Variants in RAB38 observed in about 807,000 individuals in gnomAD.
RAB38 encodes ras-related protein Rab-38.
Under a neutral mutation model 18.4 loss-of-function variants are expected in RAB38, and 15 were observed. The ratio of observed to expected loss-of-function variants is 0.82; its 90% CI spans 0.55 to 1.26. The LOEUF is 1.26. Among genes scored for constraint, RAB38 ranks in the 50% most tolerant of loss-of-function variants. The pLI is 0.00. For synonymous variants in RAB38, 101 were observed against 104.4 expected (o/e 0.97, Z 0.20); for missense variants, 294 against 267.4 (o/e 1.10, Z -0.69).
chr11:88,104,029 C>T, the RAB38 span, among the ~76,000 whole-genome samples: 2 of 152,076 alleles, frequency 1.3e-5, no homozygotes, highest in African/African-American at 4.8e-5. Context: ...TGATCATCTG[C>T]CCTGGCATGA....
chr11:87,945,267 C>T, the RAB38 span, among the ~76,000 whole-genome samples: 1 of 152,102 alleles, frequency 6.6e-6, no homozygotes, highest in Admixed American at 6.6e-5. Context: ...TTGGCTTAAA[C>T]TCGTAGGCAT....
chr11:87,876,229 C>T, the RAB38 span, among the ~76,000 whole-genome samples: 701 of 151,684 alleles, frequency 4.6e-3, 8 homozygotes, highest in African/African-American at 0.016. Context: ...CCCTTCTGAT[C>T]AACTACGACA....
the RAB38 span, among the ~76,000 whole-genome samples, chr11:87,889,332 C>T: frequency 6.6e-6 from 1 of 151,864 alleles, no homozygotes; most frequent in Non-Finnish European, 1.5e-5. Flanking sequence ...CAAATCCAAA[C>T]CACATGTGCT....
the RAB38 span, among the ~76,000 whole-genome samples, chr11:87,917,663 C>T: frequency 6.6e-6 from 1 of 151,748 alleles, no homozygotes; most frequent in East Asian, 1.9e-4. Context: ...CTTAATGGCA[C>T]CTCCACCTGG....
chr11:88,034,012 C>G, the RAB38 span, among the ~76,000 whole-genome samples: 1 of 152,146 alleles, frequency 6.6e-6, no homozygotes, highest in Non-Finnish European at 1.5e-5. Flanking sequence ...CTAGCATGAG[C>G]CACCGCGCCC....
chr11:88,053,791 C>CTTTTTTTTTTTTTTTTTTT, the RAB38 span, among the ~76,000 whole-genome samples: 1 of 139,466 alleles, frequency 7.2e-6, no homozygotes. Context: ...AGGACTTAAG[C>CTTTTTTTTTTTTTTTTTTT]TTTTTTTTTT....
the RAB38 span, among the ~76,000 whole-genome samples, chr11:87,970,512 C>T: frequency 6.6e-6 from 1 of 152,078 alleles, no homozygotes; most frequent in African/African-American, 2.4e-5. Flanking sequence ...TCACATACCT[C>T]CCCCAAGTTC....
the RAB38 span, among the ~76,000 whole-genome samples, chr11:87,877,195 T>C: frequency 6.6e-6 from 1 of 151,478 alleles, no homozygotes; most frequent in African/African-American, 2.4e-5. Context: ...CACTGCTTCT[T>C]TTGCACTGAT....
the RAB38 span, among the ~76,000 whole-genome samples, chr11:88,092,544 C>T: frequency 6.6e-6 from 1 of 151,752 alleles, no homozygotes; most frequent in African/African-American, 2.4e-5. Context: ...CCAAGTCATT[C>T]ATGAGAGATC....
chr11:88,087,232 C>A, the RAB38 span, among the ~76,000 whole-genome samples: 1 of 151,794 alleles, frequency 6.6e-6, no homozygotes, highest in African/African-American at 2.4e-5. Flanking sequence ...TACTTAGTCC[C>A]AGAACAAGGG....
the RAB38 span, among the ~76,000 whole-genome samples, chr11:88,009,182 G>T: frequency 6.6e-6 from 1 of 152,056 alleles, no homozygotes; most frequent in East Asian, 1.9e-4. Context: ...GCCAAAGCTT[G>T]ACAGAAATGG....
chr11:88,032,583 T>C, the RAB38 span, among the ~76,000 whole-genome samples: 144 of 152,184 alleles, frequency 9.5e-4, no homozygotes, highest in Non-Finnish European at 6.0e-4. Context: ...GACAGACATT[T>C]CTCAGAAGAA....
the RAB38 span, among the ~76,000 whole-genome samples, chr11:87,975,128 G>C: frequency 3.9e-5 from 6 of 151,962 alleles, no homozygotes; most frequent in Middle Eastern, 6.8e-3. Flanking sequence ...TGTTCTCTGT[G>C]TATTTCTCTG....
the RAB38 span, among the ~76,000 whole-genome samples, chr11:87,910,056 C>G: frequency 6.6e-6 from 1 of 152,008 alleles, no homozygotes; most frequent in Non-Finnish European, 1.5e-5. Flanking sequence ...TACTCAGCAC[C>G]CTTGCCAACA....
the RAB38 span, among the ~76,000 whole-genome samples, chr11:88,053,302 CAT>C: frequency 1.5e-5 from 2 of 129,084 alleles, no homozygotes; most frequent in African/African-American, 6.1e-5. Context: ...TATATACACA[CAT>C]ATATATGGAA....
At chr11:88,132,337 C>A (rs1309453409) in intron 2 of RAB38, among the ~76,000 whole-genome samples, 2 of 152,150 alleles carry the variant, frequency 1.3e-5, no homozygotes, top group African/African-American at 4.8e-5. Context: ...GCAGTTCCAG[C>A]CCTGGGTACA....
chr11:88,081,746 C>T, the RAB38 span, among the ~76,000 whole-genome samples: 1 of 151,858 alleles, frequency 6.6e-6, no homozygotes. Context: ...TCTGCAAAGA[C>T]CCTTTTTCCA....
the RAB38 span, among the ~76,000 whole-genome samples, chr11:88,026,881 C>A: frequency 1.3e-5 from 2 of 152,022 alleles, no homozygotes; most frequent in African/African-American, 4.8e-5. Flanking sequence ...TAATCTGAAT[C>A]AAATCTCGAG....
chr11:87,953,230 A>G, the RAB38 span, among the ~76,000 whole-genome samples: 64,454 of 152,024 alleles, frequency 0.42, 14,000 homozygotes, highest in South Asian at 0.57. Context: ...AAGAACAATA[A>G]CAAGCAAAGA....
Sources: allele counts gnomAD v4.1 joint callset (sites outside exome capture counted in the v4.1 genomes callset), GRCh38; gene constraint gnomAD v4.1.1; transcripts MANE v1.5; gene names NCBI Gene and HGNC (gene_info 2026-07-23, HGNC 2026-07-21).